Variants in PPOX observed in about 807,000 individuals in gnomAD.
PPOX encodes variegate porphyria.
A neutral mutation model predicts 54.1 loss-of-function variants in PPOX; 23 were observed. That is an observed-to-expected ratio of 0.43 (90% CI 0.31 to 0.60). The LOEUF is 0.60. Ranked by LOEUF, PPOX falls within the 20% of genes least tolerant of loss-of-function variation. The pLI, the probability that PPOX is intolerant of heterozygous loss-of-function variation, is 0.13. For synonymous variants in PPOX, 224 were observed against 236.1 expected (o/e 0.95, Z 0.47); for missense variants, 512 against 601.1 (o/e 0.85, Z 1.55).
rs745422821 is a variant in PPOX, at chr1:161,169,144, G to A, written c.768G>A (p.Pro256=). ...GGGTCAGTGTTCTCAGAGGCCAGCCGGTCTGTGGGCTCAGCCTCCAGGCAG... is the reference window on the plus strand; with the variant it reads ...GGGTCAGTGTTCTCAGAGGCCAGCCAGTCTGTGGGCTCAGCCTCCAGGCAG... The part of the protein sequence containing the change: ...SRGVSVLRGQ[P]VCGLSLQAEG... The change falls in exon 7 of 13, where the codon CCG becomes CCA. Residue 256 remains proline (P), a synonymous_variant. Coordinates refer to ENST00000367999, the MANE Select transcript of PPOX (RefSeq NM_001122764.3). The A allele has an allele frequency of 1.1e-5, 18 of 1,614,018 alleles. No individual in the cohort carries two copies. The highest frequency in any genetic ancestry group is 1.6e-4 in the Middle Eastern group (1 of 6,084).
downstream of PPOX, chr1:161,173,829 T>C (rs1662417219): frequency 6.2e-7 from 1 of 1,610,238 alleles, no homozygotes; most frequent in South Asian, 1.1e-5. Context: ...TAGGCTTCCC[T>C]GTTTCCCAGT....
upstream of PPOX, chr1:161,166,237 G>A: frequency 1.0e-6 from 1 of 963,770 alleles, no homozygotes; most frequent in South Asian, 4.8e-5. Context: ...TCCTGAGGAG[G>A]GCAGTGACGG....
At chr1:161,177,869 C>T (rs1664136067), downstream of PPOX, 1 of 152,290 alleles carries the variant, frequency 6.6e-6, no homozygotes, top group African/African-American at 2.4e-5. Context: ...GTGGCACCCC[C>T]TGCAGCCTAG....
At chr1:161,176,214 GCA>G (rs1663457521), downstream of PPOX, 1 of 894,248 alleles carries the variant, frequency 1.1e-6, no homozygotes, top group Non-Finnish European at 1.7e-6. Context: ...GCACACAGGT[GCA>G]CAGTCACGCA....
At chr1:161,175,285 A>T (rs551942302), downstream of PPOX, 2 of 1,503,926 alleles carry the variant, frequency 1.3e-6, no homozygotes, top group South Asian at 2.3e-5. Context: ...AAAGAATCAA[A>T]CTAGGGTTTG....
chr1:161,172,169 G>A, downstream of PPOX: 9 of 1,611,926 alleles, frequency 5.6e-6, no homozygotes, highest in Non-Finnish European at 5.9e-6. Context: ...TCCTGGCTAG[G>A]GGTACAGAAC....
At chr1:161,168,211 C>T (rs1659810271) in intron 5 of PPOX, 84 bp downstream of exon 5, 1 of 1,604,432 alleles carries the variant, frequency 6.2e-7, no homozygotes, top group Admixed American at 1.7e-5. Flanking sequence ...CCTAGGGGCT[C>T]TTCTGTATCA....
chr1:161,177,074 C>T (rs1260055301), downstream of PPOX: 3 of 1,535,230 alleles, frequency 2.0e-6, no homozygotes, highest in South Asian at 1.2e-5. Flanking sequence ...TACCTTTCCC[C>T]TCTTCTAGCG....
At chr1:161,173,258 G>GC (rs1302679715), downstream of PPOX, among the ~76,000 whole-genome samples, 1 of 152,176 alleles carries the variant, frequency 6.6e-6, no homozygotes, top group South Asian at 2.1e-4. Context: ...ATGGAGCAGA[G>GC]CCCCTCTCTC....
At chr1:161,170,204 A>C (rs2101893628) in intron 9 of PPOX, 180 bp downstream of exon 9, 3 of 877,438 alleles carry the variant, frequency 3.4e-6, no homozygotes, top group South Asian at 1.5e-5. Context: ...TTGCACCTGT[A>C]ATCTCAGCTA....
Position 161,166,531 on chromosome 1 carries a change from C to G in PPOX, c.-150C>G. 7.3e-7 allele frequency: 1 copy of G among 1,363,936 alleles called. No individual in the cohort carries two copies. The highest frequency in any genetic ancestry group is 9.5e-7 in the Non-Finnish European group (1 of 1,054,558). 84.5% of individuals were successfully genotyped at this position (1,363,936 alleles called of 1,614,324 possible). On this transcript the variant is annotated 5_prime_UTR_variant, in exon 1 of 13. Transcript: ENST00000367999. Reference sequence around the variant, plus strand: ...CAAGCAGAGCACCTCAGAACTCAGGCGTACTGCCCGCCGCCCGAGCCCTGC... The same window carrying G: ...CAAGCAGAGCACCTCAGAACTCAGGGGTACTGCCCGCCGCCCGAGCCCTGC...
Position 161,167,454 on chromosome 1 carries a change from C to CT in PPOX, c.306_307insT (p.Gly103TrpfsTer41). The CT allele has an allele frequency of 6.2e-7, 1 of 1,609,172 alleles. No individual in the cohort carries two copies. Among genetic ancestry groups the CT allele is most frequent in the Non-Finnish European group, 8.5e-7 (1 of 1,178,028 alleles). On this transcript the variant is annotated frameshift_variant, in exon 4 of 13. Transcript: ENST00000367999. LOFTEE classifies it high-confidence loss of function. Reference sequence around the variant, plus strand: ...CCCAGAACAGGTTCCTCTACGTGGGCGGTGCCCTGCATGCCCTACCCACTG... The same window carrying CT: ...CCCAGAACAGGTTCCTCTACGTGGGCTGGTGCCCTGCATGCCCTACCCACTG...
rs1660280737 is a variant in PPOX, at chr1:161,169,326, T to G, written c.807+143T>G. On this transcript the variant is annotated intron_variant, in intron 7 of 12. Coordinates refer to ENST00000367999, the MANE Select transcript of PPOX (RefSeq NM_001122764.3). The stretch of plus-strand genomic sequence containing the variant: ...TACTTAGACATGGGCTACCCCAGAA[T>G]CCTAGGCCCTATTTGTGAACCTTCC... 7 of 973,384 alleles carry G rather than the reference T, an allele frequency of 7.2e-6. No homozygotes were observed. The East Asian group carries it at 1.8e-4, about 25-fold the overall frequency. The allele number at this position is 973,384 out of a possible 1,614,324, so 60.3% of individuals were successfully genotyped here. A position where few individuals can be genotyped will look rare whatever the true frequency, so the allele number is the denominator to read the frequency against.
At chr1:161,171,841 T>C (rs754526253), downstream of PPOX, 3 of 1,614,080 alleles carry the variant, frequency 1.9e-6, no homozygotes, top group South Asian at 1.1e-5. Context: ...GAGGGCTGTG[T>C]GGTTGGCAGT....
chr1:161,176,837 G>A, intron 4 of PPOX: 4 of 1,533,956 alleles, frequency 2.6e-6, no homozygotes, highest in Non-Finnish European at 3.5e-6. Flanking sequence ...TGGAAACATT[G>A]TTTTCCCCCA....
At chr1:161,173,811 C>G, downstream of PPOX, 3 of 1,609,598 alleles carry the variant, frequency 1.9e-6, no homozygotes, top group Non-Finnish European at 2.5e-6. Context: ...CCTCCTTCCA[C>G]AGGATAGTAG....
chr1:161,167,485 A>G lies in PPOX; in HGVS notation c.337A>G (p.Arg113Gly). Residue 113 changes from arginine to glycine, a missense_variant and splice_region_variant, in exon 4 of 13, where the codon AGG becomes GGG. Transcript: ENST00000367999. ...CCTGCATGCCCTACCCACTGGCCTC[A>G]GGTAACACCAGCACCTCCGCTCCTT... ...GALHALPTGL[R>G]GLLRPSPPFS... 6.2e-7 allele frequency: 1 copy of G among 1,610,560 alleles called. No individual in the cohort carries two copies. The highest frequency in any genetic ancestry group is 8.5e-7 in the Non-Finnish European group (1 of 1,179,602).
chr1:161,170,884 T>C, intron 11 of PPOX, 23 bp from the exon 12 acceptor site: 1 of 1,614,086 alleles, frequency 6.2e-7, no homozygotes, highest in South Asian at 1.1e-5. Flanking sequence ...AACTTTTCCC[T>C]GCATCCTCTC....
At chr1:161,176,054 G>A (rs757070009), downstream of PPOX, 10 of 1,613,900 alleles carry the variant, frequency 6.2e-6, no homozygotes, top group East Asian at 2.2e-5. Flanking sequence ...AGCAGCCTCC[G>A]CAACATCCTG....
Sources: allele counts gnomAD v4.1 joint callset (sites outside exome capture counted in the v4.1 genomes callset), GRCh38; gene constraint gnomAD v4.1.1; transcripts MANE v1.5; gene names NCBI Gene and HGNC (gene_info 2026-07-23, HGNC 2026-07-21).